Variants in NSD2 observed in about 807,000 individuals in gnomAD.
NSD2 encodes histone-lysine N-methyltransferase NSD2.
A neutral mutation model predicts 139.0 loss-of-function variants in NSD2; 12 were observed. The ratio of observed to expected loss-of-function variants is 0.09; its 90% CI spans 0.06 to 0.14. NSD2 has a LOEUF of 0.14. NSD2 is among the 10% of genes least tolerant of loss of function. The pLI is 1.00. For synonymous variants in NSD2, 669 were observed against 648.7 expected (o/e 1.03, Z -0.48); for missense variants, 1,155 against 1,745.0 (o/e 0.66, Z 6.02).
At chr4:1,953,018 T>C in intron 11 of NSD2, 15 of 1,441,606 alleles carry the variant, frequency 1.0e-5, no homozygotes, top group Non-Finnish European at 1.4e-5. Flanking sequence ...AGGCCTCTTT[T>C]CATAGGAGCC....
chr4:1,907,885 C>T (rs911712932), intron 3 of NSD2, among the ~76,000 whole-genome samples: 1 of 152,190 alleles, frequency 6.6e-6, no homozygotes, highest in Admixed American at 6.6e-5. Flanking sequence ...GGATTACAGG[C>T]ATGAGTCACT....
chr4:1,934,859 AAAAAAAAAAAAAAAAAAAAATATAT>A (rs1722120754), intron 6 of NSD2, among the ~76,000 whole-genome samples: 1 of 92,736 alleles, frequency 1.1e-5, no homozygotes, highest in African/African-American at 4.9e-5. Flanking sequence ...AAAAAAAAAA[AAAAAAAAAAAAAAAAAAAAATATAT>A]ATATATATAT....
intron 11 of NSD2, chr4:1,952,643 T>C: frequency 1.1e-6 from 1 of 943,076 alleles, no homozygotes; most frequent in Non-Finnish European, 1.3e-6. Flanking sequence ...CATGGAGTTC[T>C]TTATGAAGAC....
At chr4:1,940,688 A>G (rs1722997283) in intron 9 of NSD2, 3 of 1,061,092 alleles carry the variant, frequency 2.8e-6, no homozygotes, top group South Asian at 9.1e-5. Flanking sequence ...GGAACAGGGT[A>G]GTGAGGCAAG....
chr4:1,932,133 A>G (rs777844512), intron 6 of NSD2, among the ~76,000 whole-genome samples: 3 of 151,682 alleles, frequency 2.0e-5, no homozygotes, highest in Non-Finnish European at 4.4e-5. Context: ...CCATGACCTC[A>G]GTGTTAGAAA....
chr4:1,922,171 A>G (rs1472570989), intron 5 of NSD2, among the ~76,000 whole-genome samples: 1 of 152,232 alleles, frequency 6.6e-6, no homozygotes, highest in Non-Finnish European at 1.5e-5. Flanking sequence ...CCAGTATTAT[A>G]AAGGAATAAA....
intron 1 of NSD2, among the ~76,000 whole-genome samples, chr4:1,873,429 G>C (rs1010975109): frequency 6.6e-6 from 1 of 152,168 alleles, no homozygotes; most frequent in Non-Finnish European, 1.5e-5. Flanking sequence ...AAATTATAAG[G>C]TCAGCAGGCT....
intron 1 of NSD2, among the ~76,000 whole-genome samples, chr4:1,896,161 C>T (rs564716886): frequency 8.5e-5 from 13 of 152,348 alleles, no homozygotes; most frequent in African/African-American, 2.2e-4. Flanking sequence ...CTCCTAATCA[C>T]GGCAGCCAGC....
At chr4:1,928,168 G>T (rs1156674778) in intron 5 of NSD2, among the ~76,000 whole-genome samples, 1 of 151,502 alleles carries the variant, frequency 6.6e-6, no homozygotes, top group Non-Finnish European at 1.5e-5. Context: ...CTCCGAAAAT[G>T]TTGGGATTAT....
chr4:1,957,352 C>T (rs1215586161), intron 15 of NSD2, among the ~76,000 whole-genome samples: 5 of 148,412 alleles, frequency 3.4e-5, no homozygotes, highest in African/African-American at 1.3e-4. Context: ...GGTGTGATCT[C>T]GGCTCACTGC....
rs112393759 is a variant in NSD2 at position 1,965,551 on chromosome 4, G to A, written c.3372+4400G>A. ...ATAAACTCCAGATGATCAAACTTTC[G>A]AAAACCAGAAAAAGAATCTTGAAAA... is the stretch of plus-strand genomic sequence containing the variant. On this transcript the variant is annotated intron_variant, in intron 18 of 21. Transcript: ENST00000508803. Among the ~76,000 whole-genome samples the A allele has an allele frequency of 2.0e-3, 311 of 152,222 alleles. 1 individual carries two copies. The highest frequency in any genetic ancestry group is 6.8e-3 in the African/African-American group (282 of 41,538).
chr4:1,872,144 CG>C lies in NSD2; in HGVS notation c.-30+604del, dbSNP rs909367811. On this transcript the variant is annotated intron_variant, in intron 1 of 21. Coordinates refer to ENST00000508803, the MANE Select transcript of NSD2 (RefSeq NM_001042424.3). Reference sequence around the variant, plus strand: ...CGCGGCGCCCGGGCGTTGGTCAGCGCGGACGCTCCCCCGGGAAGCCGGGCCG... The same window carrying C: ...CGCGGCGCCCGGGCGTTGGTCAGCGCGACGCTCCCCCGGGAAGCCGGGCCG... 7.9e-5 allele frequency among the ~76,000 whole-genome samples: 12 copies of C among 152,028 alleles called. No homozygotes were observed. In the South Asian group the frequency reaches 1.7e-3, roughly 21 times the overall value.
chr4:1,903,690 G>A (rs1410330025), intron 2 of NSD2, among the ~76,000 whole-genome samples: 1 of 151,832 alleles, frequency 6.6e-6, no homozygotes, highest in Non-Finnish European at 1.5e-5. Flanking sequence ...CCTGCTGTGT[G>A]CTATGCACTG....
intron 9 of NSD2, chr4:1,947,021 G>C (rs1577515007): frequency 9.4e-7 from 1 of 1,063,984 alleles, no homozygotes; most frequent in Non-Finnish European, 1.1e-6. Context: ...CTGAGGTAGG[G>C]GTGGGGGTCC....
At position 1,959,194 on chromosome 4, in the gene NSD2, C is replaced by T. The variant is rs140671737; in HGVS notation, c.2986-277C>T. Among the ~76,000 whole-genome samples, 7 of 152,180 alleles carry T rather than the reference C, an allele frequency of 4.6e-5. No individual in the cohort carries two copies. The South Asian group carries it at 1.2e-3, about 27-fold the overall frequency. On this transcript the variant is annotated intron_variant, in intron 16 of 21. Coordinates refer to ENST00000508803, the MANE Select transcript of NSD2 (RefSeq NM_001042424.3). ...CATCTTACAATGGCCTGGCTGGATA[C>T]GTGTCAGCTCTTGTTCATCAGCGAT...
chr4:1,887,441 T>A (rs1560559270), intron 1 of NSD2: 1 of 152,204 alleles, frequency 6.6e-6, no homozygotes, highest in Non-Finnish European at 1.5e-5. Context: ...AAACAGACCT[T>A]CATCTCTTGG....
intron 6 of NSD2, among the ~76,000 whole-genome samples, chr4:1,932,383 G>A (rs374618248): frequency 2.0e-4 from 30 of 148,324 alleles, no homozygotes; most frequent in African/African-American, 7.3e-4. Flanking sequence ...AGGTTGCAGT[G>A]AGGCAAGATC....
Position 1,952,098 on chromosome 4 carries a change from G to A in NSD2, c.2014-10G>A. 1 of 1,613,412 alleles carries A rather than the reference G, an allele frequency of 6.2e-7. No homozygotes were observed. On this transcript the variant is annotated splice_polypyrimidine_tract_variant and intron_variant, in intron 10 of 21. Transcript: ENST00000508803. ...CGGGCGCTGCTTACCCGCCTGCTCT[G>A]CCCCCGCAGCTGTGTGAGAAGCCGG...
Position 1,978,811 on chromosome 4 carries a change from A to AT in NSD2, c.4000_4001insT (p.Arg1334MetfsTer6). The AT allele has an allele frequency of 1.9e-6, 3 of 1,611,630 alleles. No individual in the cohort carries two copies. Among genetic ancestry groups the AT allele is most frequent in the Non-Finnish European group, 2.5e-6 (3 of 1,178,194 alleles). ...GCATGACTTAGGGGCGGCATCGGTC[A>AT]GAAGCACCAAGACTGAGAAGCCCCC... is the stretch of plus-strand genomic sequence containing the variant. On this transcript the variant is annotated frameshift_variant, in exon 22 of 22. Coordinates refer to ENST00000508803, the MANE Select transcript of NSD2 (RefSeq NM_001042424.3). LOFTEE classifies it low-confidence loss of function (END_TRUNC).
Sources: gnomAD v4.1 joint callset for allele counts (sites outside exome capture counted in the v4.1 genomes callset) on GRCh38, gnomAD v4.1.1 for gene constraint, MANE v1.5 for transcripts, NCBI Gene and HGNC (gene_info 2026-07-23, HGNC 2026-07-21) for gene names.